The following ADGRL3 variants were observed in gnomAD, a reference collection of about 807,000 sequenced individuals.
ADGRL3 encodes adhesion G protein-coupled receptor L3.
ADGRL3 carries 62 observed loss-of-function variants against 153.5 expected under a neutral mutation model. The observed-to-expected ratio is 0.40, with a 90% CI of 0.33 to 0.50. The LOEUF (loss-of-function observed/expected upper bound fraction) is 0.50. ADGRL3 is among the 20% of genes least tolerant of loss of function. The pLI is 0.47. For synonymous variants in ADGRL3, 710 were observed against 672.5 expected, an observed-to-expected ratio of 1.06 and a Z score of -0.86; for missense variants, 1,641 against 1,859.4, an observed-to-expected ratio of 0.88 and a Z score of 2.16.
intron 8 of ADGRL3, among the ~76,000 whole-genome samples, chr4:61,754,187 T>C (rs1242933958): frequency 6.6e-6 from 1 of 152,230 alleles, no homozygotes; most frequent in Non-Finnish European, 1.5e-5. Flanking sequence ...TTTTCAAATA[T>C]GACCTTCCAG....
At chr4:61,329,821 A>T (rs1239249967) in intron 1 of ADGRL3, among the ~76,000 whole-genome samples, 3 of 152,194 alleles carry the variant, frequency 2.0e-5, no homozygotes, top group Non-Finnish European at 4.4e-5. Flanking sequence ...TAACTGTCTT[A>T]TTCAAAGATT....
At chr4:61,749,414 T>A (rs2096721055) in intron 8 of ADGRL3, among the ~76,000 whole-genome samples, 1 of 152,212 alleles carries the variant, frequency 6.6e-6, no homozygotes, top group Non-Finnish European at 1.5e-5. Flanking sequence ...TGCACACATA[T>A]GTTTATTGTG....
intron 5 of ADGRL3, among the ~76,000 whole-genome samples, chr4:61,650,078 G>T (rs890007342): frequency 2.0e-5 from 3 of 152,036 alleles, no homozygotes; most frequent in Non-Finnish European, 4.4e-5. Flanking sequence ...CAGTAACTGT[G>T]GGAAAGTGGC....
At chr4:61,632,326 A>AT (rs1257115785) in intron 5 of ADGRL3, among the ~76,000 whole-genome samples, 1 of 152,210 alleles carries the variant, frequency 6.6e-6, no homozygotes, top group African/African-American at 2.4e-5. Context: ...CAGAATGAGA[A>AT]TATCTTACTG....
chr4:61,251,866 TC>T (rs1207957952), intron 1 of ADGRL3, among the ~76,000 whole-genome samples: 115 of 120,420 alleles, frequency 9.5e-4, no homozygotes, highest in Middle Eastern at 4.0e-3. Flanking sequence ...ATCCTAAGAT[TC>T]TTTTTTTTTT....
intron 4 of ADGRL3, among the ~76,000 whole-genome samples, chr4:61,563,207 C>A (rs192668756): frequency 2.0e-5 from 3 of 152,228 alleles, no homozygotes; most frequent in African/African-American, 7.2e-5. Flanking sequence ...ACATCTCCAT[C>A]GGAGCTCCTG....
chr4:61,739,726 C>G (rs2096561652), intron 8 of ADGRL3, among the ~76,000 whole-genome samples: 1 of 152,142 alleles, frequency 6.6e-6, no homozygotes, highest in African/African-American at 2.4e-5. Context: ...CTCCCCCCAC[C>G]CTGTACCACC....
Position 62,071,605 on chromosome 4 carries a change from T to C in ADGRL3, c.*697T>C, listed in dbSNP as rs1278337237. ...ATTGCACATATAGTCTGCTTTCTGT[T>C]CCTCCAGAATTTGAGTCCTGTTAAT... On this transcript the variant is annotated 3_prime_UTR_variant, in exon 27 of 27. Coordinates refer to ENST00000683033, the MANE Select transcript of ADGRL3 (RefSeq NM_001387552.1). 9.0e-6 allele frequency: 3 copies of C among 334,472 alleles called. No individual in the cohort carries two copies. Among genetic ancestry groups the C allele is most frequent in the Non-Finnish European group, 1.7e-5 (3 of 173,828 alleles). The allele number at this position is 334,472 out of a possible 1,614,324, so 20.7% of individuals were successfully genotyped here. A position where few individuals can be genotyped will look rare whatever the true frequency, so the allele number is the denominator to read the frequency against.
At chr4:61,218,284 A>G (rs1419451572) in intron 1 of ADGRL3, among the ~76,000 whole-genome samples, 1 of 150,590 alleles carries the variant, frequency 6.6e-6, no homozygotes, top group Non-Finnish European at 1.5e-5. Context: ...AATCGTTTTC[A>G]TTCATTTATC....
chr4:61,807,609 C>T (rs1010733291), intron 8 of ADGRL3, among the ~76,000 whole-genome samples: 1 of 152,156 alleles, frequency 6.6e-6, no homozygotes, highest in African/African-American at 2.4e-5. Flanking sequence ...AAAAGATTTT[C>T]ATCTCTTTCA....
chr4:61,276,733 C>T (rs2093477920), intron 1 of ADGRL3, among the ~76,000 whole-genome samples: 1 of 151,942 alleles, frequency 6.6e-6, no homozygotes, highest in South Asian at 2.1e-4. Flanking sequence ...AAGAAGACAA[C>T]TGAAATTTAG....
At chr4:61,933,483 G>A (rs375792945) in intron 13 of ADGRL3, among the ~76,000 whole-genome samples, 5 of 152,014 alleles carry the variant, frequency 3.3e-5, no homozygotes, top group Non-Finnish European at 5.9e-5. Context: ...GTTTAAACTC[G>A]TGAGAGACTT....
At chr4:61,464,265 T>C (rs2097855270) in intron 2 of ADGRL3, among the ~76,000 whole-genome samples, 1 of 152,142 alleles carries the variant, frequency 6.6e-6, no homozygotes, top group Non-Finnish European at 1.5e-5. Context: ...TCAAAACAAG[T>C]GTTGTAGCAG....
At chr4:61,615,576 T>TTTTG (rs1553983183) in intron 5 of ADGRL3, among the ~76,000 whole-genome samples, 12 of 148,016 alleles carry the variant, frequency 8.1e-5, no homozygotes, top group African/African-American at 2.7e-4. Context: ...GGTTGGAATA[T>TTTTG]TGTGTGTGTG....
intron 9 of ADGRL3, among the ~76,000 whole-genome samples, chr4:61,858,070 TG>T (rs2098298008): frequency 6.6e-6 from 1 of 152,138 alleles, no homozygotes; most frequent in Non-Finnish European, 1.5e-5. Context: ...GGCCGCTTTG[TG>T]GGAAAAGATA....
At chr4:61,438,093 T>C (rs1019904804) in intron 2 of ADGRL3, among the ~76,000 whole-genome samples, 5 of 152,198 alleles carry the variant, frequency 3.3e-5, no homozygotes, top group African/African-American at 1.2e-4. Context: ...TTGTTCTTCT[T>C]GGAATTTCTG....
intron 4 of ADGRL3, among the ~76,000 whole-genome samples, chr4:61,523,381 G>A (rs1373128564): frequency 6.6e-6 from 1 of 152,088 alleles, no homozygotes; most frequent in Admixed American, 6.6e-5. Context: ...GGCTTTTAGA[G>A]TGCTGTGTTA....
Position 61,996,415 on chromosome 4 carries a change from C to T in ADGRL3, c.3303+58C>T, listed in dbSNP as rs184867692. ...GATCAAGAAGTAAAACTTTCACTAT[C>T]CCAGTACTGACTGTCTTTAATTTAC... On this transcript the variant is annotated intron_variant, in intron 20 of 26. Coordinates refer to ENST00000683033, the MANE Select transcript of ADGRL3 (RefSeq NM_001387552.1). 7 of 1,161,234 alleles carry T rather than the reference C, an allele frequency of 6.0e-6. No homozygotes were observed. The African/African-American group carries it at 1.1e-4, about 18-fold the overall frequency. 71.9% of individuals were successfully genotyped at this position (1,161,234 alleles called of 1,614,324 possible).
intron 9 of ADGRL3, among the ~76,000 whole-genome samples, chr4:61,888,809 G>T (rs551645062): frequency 6.6e-6 from 1 of 152,042 alleles, no homozygotes; most frequent in Admixed American, 6.5e-5. Flanking sequence ...TAAAAATACC[G>T]TATCATTGTT....
Sources: gnomAD v4.1 joint callset for allele counts (sites outside exome capture counted in the v4.1 genomes callset) on GRCh38, gnomAD v4.1.1 for gene constraint, MANE v1.5 for transcripts, NCBI Gene and HGNC (gene_info 2026-07-23, HGNC 2026-07-21) for gene names.